CD1A: variants seen among roughly 807,000 people sequenced by gnomAD.
CD1A encodes the protein CD1a molecule.
A neutral mutation model predicts 38.3 loss-of-function variants in CD1A; 50 were observed. The observed-to-expected ratio is 1.30, with a 90% confidence interval of 1.04 to 1.65. CD1A has a LOEUF of 1.65. Ranked by LOEUF, CD1A falls within the 40% of genes most tolerant of loss-of-function variation. CD1A has a pLI of 0.00. For missense variants in CD1A, 459 were observed against 406.1 expected (o/e 1.13, Z -1.12); for synonymous variants, 160 against 150.8 (o/e 1.06, Z -0.45).
In CD1A at chr1:158,255,017, G is replaced by C; in HGVS notation, c.59-67G>C. Reference sequence around the variant, plus strand: ...CCAGATTCTGAGTTCCCGCACTCTGGCACCTTTCTCTCTCCATCCTCTTTC... The same window carrying C: ...CCAGATTCTGAGTTCCCGCACTCTGCCACCTTTCTCTCTCCATCCTCTTTC... On this transcript the variant is annotated intron_variant, in intron 1 of 5. Transcript: ENST00000289429. The C allele has an allele frequency of 3.9e-6, 6 of 1,520,180 alleles. No individual in the cohort carries two copies. In the South Asian group the frequency reaches 7.1e-5, roughly 18 times the overall value. 94.2% of individuals were successfully genotyped at this position (1,520,180 alleles called of 1,614,324 possible).
At position 158,256,203 on chromosome 1, in the gene CD1A, A is replaced by T. The variant is rs774411138; in HGVS notation, c.525A>T (p.Thr175=). The T allele has an allele frequency of 3.1e-6, 5 of 1,614,108 alleles. No individual in the cohort carries two copies. Among genetic ancestry groups the T allele is most frequent in the Non-Finnish European group, 4.2e-6 (5 of 1,180,006 alleles). The change falls in exon 3 of 6, where the codon ACA becomes ACT. Residue 175 remains threonine, a synonymous_variant. Transcript: ENST00000289429. ...LNQNQHENDI[T]HNLLSDTCPR... ...AGAATCAGCATGAAAATGACATAAC[A>T]CACAATCTTCTCAGTGACACCTGCC...
upstream of CD1A, among the ~76,000 whole-genome samples, chr1:158,249,532 C>T (rs1650029745): frequency 6.6e-6 from 1 of 152,134 alleles, no homozygotes; most frequent in African/African-American, 2.4e-5. Context: ...AATAACATAA[C>T]ATTGGGGGTT....
At position 158,255,123 on chromosome 1, in the gene CD1A, C is replaced by G; in HGVS notation, c.98C>G (p.Ala33Gly). The G allele has an allele frequency of 6.2e-7, 1 of 1,614,098 alleles. No homozygotes were observed. Among genetic ancestry groups the G allele is most frequent in the Non-Finnish European group, 8.5e-7 (1 of 1,179,994 alleles). ...CTCTCCTTCCATGTCACCTGGATCG[C>G]ATCCTTTTACAACCATTCCTGGAAA... Reference protein sequence around the residue: ...EPLSFHVTWIASFYNHSWKQN... With the variant: ...EPLSFHVTWIGSFYNHSWKQN... Residue 33 changes from alanine (A) to glycine (G), a missense_variant, in exon 2 of 6, where the codon GCA becomes GGA. Transcript: ENST00000289429.
At position 158,257,003 on chromosome 1, in the gene CD1A, T is replaced by C. The variant is rs914038336; in HGVS notation, c.822T>C (p.Ala274=). The C allele has an allele frequency of 6.2e-7, 1 of 1,614,144 alleles. No homozygotes were observed. Among genetic ancestry groups the C allele is most frequent in the Admixed American group, 1.7e-5 (1 of 60,026 alleles). ...ATLEVAAGEA[A]DLSCRVKHSS... ...TGGAGGTGGCCGCTGGGGAGGCAGCTGACCTGTCCTGTCGGGTGAAGCACA... is the reference window on the plus strand; with the variant it reads ...TGGAGGTGGCCGCTGGGGAGGCAGCCGACCTGTCCTGTCGGGTGAAGCACA... Residue 274 remains alanine (A), a synonymous_variant, in exon 4 of 6, where the codon GCT becomes GCC. Transcript: ENST00000289429.
chr1:158,254,003 T>C (rs1251541918), upstream of CD1A: 1 of 186,724 alleles, frequency 5.4e-6, no homozygotes, highest in African/African-American at 2.6e-5. Context: ...CAGAGGAAAT[T>C]TTCTTTATAT....
At chr1:158,254,217 C>T (rs146991085), upstream of CD1A, 246 of 1,015,406 alleles carry the variant, frequency 2.4e-4, 1 homozygote, top group African/African-American at 3.8e-3. Flanking sequence ...GCTGAAGAGA[C>T]AGGGGAAGAG....
chr1:158,256,276 C>A lies in CD1A; in HGVS notation c.598C>A (p.Arg200=), dbSNP rs745915409. ...LLDAGKAHLQ[R]QVKPEAWLSH... is the part of the protein sequence containing the mutation. ...TGATGCAGGAAAGGCACATCTCCAGCGGCAAGGTCAGTCCTGCACTCTCCC... is the reference window on the plus strand; with the variant it reads ...TGATGCAGGAAAGGCACATCTCCAGAGGCAAGGTCAGTCCTGCACTCTCCC... The change falls in exon 3 of 6, where the codon CGG becomes AGG. Residue 200 remains arginine, a synonymous_variant. Coordinates refer to ENST00000289429, the MANE Select transcript of CD1A (RefSeq NM_001763.3). The A allele has an allele frequency of 2.5e-6, 4 of 1,613,124 alleles. No individual in the cohort carries two copies. The highest frequency in any genetic ancestry group is 3.4e-6 in the Non-Finnish European group (4 of 1,179,752).
rs752202842 is a variant in CD1A, at chr1:158,257,481, T to C, written c.944T>C (p.Ile315Thr). 1.1e-5 allele frequency: 17 copies of C among 1,614,150 alleles called. No homozygotes were observed. In the Admixed American group the frequency reaches 1.3e-4, roughly 13 times the overall value. Residue 315 changes from isoleucine to threonine, a missense_variant, in exon 5 of 6, where the codon ATA (isoleucine) becomes ACA (threonine). Coordinates refer to ENST00000289429, the MANE Select transcript of CD1A (RefSeq NM_001763.3). ...LAVIVPLLLL[I>T]GLALWFRKRC... ...GTGATAGTGCCTTTACTTCTTCTGA[T>C]AGGTCTTGCGCTTTGGTTCAGGAAA...
At chr1:158,252,133 T>G (rs1459129130), upstream of CD1A, among the ~76,000 whole-genome samples, 3 of 88,554 alleles carry the variant, frequency 3.4e-5, no homozygotes, top group South Asian at 1.9e-3. Flanking sequence ...CCGGCCACGG[T>G]TTTTTTTTTT....
intron 1 of CD1A, 138 bp downstream of exon 1, chr1:158,254,865 T>G: frequency 1.1e-6 from 1 of 890,060 alleles, no homozygotes; most frequent in South Asian, 1.4e-5. Context: ...AAAGTGAGAG[T>G]GCCAGGCTGG....
upstream of CD1A, among the ~76,000 whole-genome samples, chr1:158,253,583 A>T (rs1650143321): frequency 6.6e-6 from 1 of 152,196 alleles, no homozygotes; most frequent in Non-Finnish European, 1.5e-5. Context: ...GGATGCATAG[A>T]CTGAATTCAT....
Position 158,257,457 on chromosome 1 carries a change from T to A in CD1A, c.920T>A (p.Val307Glu), listed in dbSNP as rs1228238781. The A allele has an allele frequency of 1.9e-6, 3 of 1,614,154 alleles. No homozygotes were observed. The highest frequency in any genetic ancestry group is 2.5e-6 in the Non-Finnish European group (3 of 1,179,992). ...HSSVGFIILAVIVPLLLLIGL... is the reference protein window; with the variant it reads ...HSSVGFIILAEIVPLLLLIGL... Reference sequence around the variant, plus strand: ...TCCGTGGGCTTCATCATCTTGGCGGTGATAGTGCCTTTACTTCTTCTGATA... The same window carrying A: ...TCCGTGGGCTTCATCATCTTGGCGGAGATAGTGCCTTTACTTCTTCTGATA... Residue 307 changes from valine to glutamate, a missense_variant, in exon 5 of 6, where the codon GTG becomes GAG. Coordinates refer to ENST00000289429, the MANE Select transcript of CD1A (RefSeq NM_001763.3).
chr1:158,248,761 T>G, the CD1A span, among the ~76,000 whole-genome samples: 12 of 152,102 alleles, frequency 7.9e-5, no homozygotes, highest in East Asian at 2.1e-3. Context: ...ACCCCCAATT[T>G]CTCAGCACCC....
chr1:158,251,668 T>C (rs1008496350), upstream of CD1A, among the ~76,000 whole-genome samples: 10 of 152,108 alleles, frequency 6.6e-5, no homozygotes, highest in South Asian at 6.2e-4. Flanking sequence ...AGGTCAGTTG[T>C]TTTTGAATTT....
At chr1:158,248,383 A>T in the CD1A span, 1 of 985,188 alleles carries the variant, frequency 1.0e-6, no homozygotes, top group African/African-American at 1.7e-5. Context: ...AGAATTTAGG[A>T]GCCATGTTTG....
chr1:158,255,928 T>C, intron 2 of CD1A, 76 bp from the exon 3 acceptor site: 3 of 1,427,744 alleles, frequency 2.1e-6, no homozygotes, highest in South Asian at 1.3e-5. Flanking sequence ...TTCCCCCTTC[T>C]GCTTCTATAA....
In CD1A at chr1:158,254,667, G is replaced by T. The variant is rs1169060589; in HGVS notation, c.-3G>T. The T allele has an allele frequency of 6.2e-7, 1 of 1,613,954 alleles. No individual in the cohort carries two copies. The highest frequency in any genetic ancestry group is 1.3e-5 in the African/African-American group (1 of 74,908). On this transcript the variant is annotated 5_prime_UTR_variant, in exon 1 of 6. An upstream start codon of the reference 5' UTR is lost. Coordinates refer to ENST00000289429, the MANE Select transcript of CD1A (RefSeq NM_001763.3). Reference sequence around the variant, plus strand: ...AGAGAAGGAAATAACATCTGCAAATGATATGCTGTTTTTGCTACTTCCATT... The same window carrying T: ...AGAGAAGGAAATAACATCTGCAAATTATATGCTGTTTTTGCTACTTCCATT...
upstream of CD1A, among the ~76,000 whole-genome samples, chr1:158,251,592 A>G (rs966718761): frequency 6.6e-6 from 1 of 152,140 alleles, no homozygotes; most frequent in Non-Finnish European, 1.5e-5. Flanking sequence ...ATTGATATTT[A>G]TGATACTGCT....
intron 2 of CD1A, 137 bp from the exon 3 acceptor site, chr1:158,255,867 T>G (rs954614261): frequency 1.0e-5 from 8 of 763,832 alleles, no homozygotes; most frequent in Admixed American, 5.5e-5. Context: ...CCTCTTTCTC[T>G]GAATCCCTGA....
Sources: gnomAD v4.1 joint callset for allele counts (sites outside exome capture counted in the v4.1 genomes callset) on GRCh38, gnomAD v4.1.1 for gene constraint, MANE v1.5 for transcripts, NCBI Gene and HGNC (gene_info 2026-07-23, HGNC 2026-07-21) for gene names.